The following IDE variants were observed in gnomAD, a reference collection of about 807,000 sequenced individuals.
IDE encodes insulin-degrading enzyme.
IDE carries 58 observed loss-of-function variants against 133.2 expected under a neutral mutation model. The observed-to-expected ratio is 0.44, with a 90% confidence interval of 0.35 to 0.54. The LOEUF (loss-of-function observed/expected upper bound fraction) is 0.54, where lower values mean the gene tolerates loss of function less well. Among genes scored for constraint, IDE ranks in the 20% least tolerant of loss-of-function variants. IDE has a pLI of 0.00. For missense variants in IDE, 981 were observed against 1,234.0 expected (o/e 0.79, Z 3.07); for synonymous variants, 396 against 421.3 (o/e 0.94, Z 0.73).
At chr10:92,530,430 C>T (rs557352542) in intron 4 of IDE, among the ~76,000 whole-genome samples, 6 of 151,974 alleles carry the variant, frequency 3.9e-5, no homozygotes, top group Admixed American at 2.0e-4. Context: ...GGACTACAGG[C>T]ACACACCACC....
chr10:92,455,778 A>G (rs1844975828), intron 23 of IDE, 135 bp from the exon 24 acceptor site: 1 of 590,584 alleles, frequency 1.7e-6, no homozygotes, highest in South Asian at 2.4e-5. Context: ...CAGATCCTCT[A>G]AAGGTTGCCT....
rs1844870257 is a variant in IDE at position 92,454,195 on chromosome 10, A to T, written c.*249T>A. The stretch of plus-strand genomic sequence containing the variant: ...TTTTAAGCATTGTTATATTGGGGAA[A>T]TTTCTCTCAGTAATCAAAAGAAAAA... On this transcript the variant is annotated 3_prime_UTR_variant, in exon 25 of 25. Transcript: ENST00000265986. 1 of 315,802 alleles carries T rather than the reference A, an allele frequency of 3.2e-6. No homozygotes were observed. The highest frequency in any genetic ancestry group is 5.9e-6 in the Non-Finnish European group (1 of 169,752). 19.6% of individuals were successfully genotyped at this position (315,802 alleles called of 1,614,324 possible). A position where few individuals can be genotyped will look rare whatever the true frequency, so the allele number is the denominator to read the frequency against.
At chr10:92,573,361 CG>C (rs767146382) in intron 1 of IDE, among the ~76,000 whole-genome samples, 5 of 152,178 alleles carry the variant, frequency 3.3e-5, no homozygotes, top group Non-Finnish European at 7.3e-5. Flanking sequence ...AAATGTCCCC[CG>C]ATAGGAAACC....
At chr10:92,572,807 C>A in intron 1 of IDE, 1 of 809,744 alleles carries the variant, frequency 1.2e-6, no homozygotes, top group Non-Finnish European at 1.5e-6. Flanking sequence ...CCCACGCCAG[C>A]CCTCACTCCA....
At chr10:92,498,663 A>G (rs1454720343) in intron 11 of IDE, among the ~76,000 whole-genome samples, 1 of 152,226 alleles carries the variant, frequency 6.6e-6, no homozygotes, top group African/African-American at 2.4e-5. Context: ...AGGCTGAGGC[A>G]GGAGAATTGT....
intron 21 of IDE, among the ~76,000 whole-genome samples, chr10:92,462,348 C>A (rs1364681315): frequency 6.9e-6 from 1 of 145,300 alleles, no homozygotes; most frequent in Non-Finnish European, 1.5e-5. Flanking sequence ...AGGCCAGGTG[C>A]AGTGGCTCAC....
chr10:92,565,925 T>C (rs1843516326), intron 1 of IDE, among the ~76,000 whole-genome samples: 1 of 152,078 alleles, frequency 6.6e-6, no homozygotes, highest in Non-Finnish European at 1.5e-5. Context: ...GTTGAATTCA[T>C]ATCTCGCTAA....
intron 15 of IDE, 71 bp downstream of exon 15, chr10:92,479,206 C>A: frequency 2.7e-6 from 3 of 1,123,198 alleles, no homozygotes; most frequent in South Asian, 1.8e-5. Context: ...CACCCTCAAT[C>A]AAAAAATGCT....
intron 10 of IDE, among the ~76,000 whole-genome samples, 177 bp downstream of exon 10, chr10:92,506,262 CGAT>C (rs763158283): frequency 1.3e-5 from 2 of 152,096 alleles, no homozygotes; most frequent in South Asian, 2.1e-4. Context: ...ATAAATTTCA[CGAT>C]GATGAAAATT....
rs147628298 is a variant in IDE, at chr10:92,490,495, T to C, written c.1531A>G (p.Lys511Glu). 6.8e-5 allele frequency: 108 copies of C among 1,577,692 alleles called. 1 individual carries two copies. Among genetic ancestry groups the C allele is most frequent in the Non-Finnish European group, 8.9e-5 (102 of 1,147,518 alleles). The change falls in exon 12 of 25, where the codon AAG (lysine) becomes GAG (glutamate). Residue 511 changes from lysine (K) to glutamate (E), a missense_variant and splice_region_variant. Transcript: ENST00000265986. Reference protein sequence around the residue: ...KQEAIPDEVIKKWQNADLNGK... With the variant: ...KQEAIPDEVIEKWQNADLNGK... ...ATTCATAGATGAGTTAACCCTACCT[T>C]GATGACTTCATCCGGTATAGCTTCT...
intron 19 of IDE, among the ~76,000 whole-genome samples, chr10:92,466,801 A>G (rs1362245959): frequency 6.7e-6 from 1 of 150,346 alleles, no homozygotes; most frequent in Non-Finnish European, 1.5e-5. Flanking sequence ...TATTTTTAGT[A>G]GAGACGGGGT....
intron 1 of IDE, among the ~76,000 whole-genome samples, chr10:92,556,434 C>A (rs1336735264): frequency 6.6e-6 from 1 of 152,022 alleles, no homozygotes; most frequent in Non-Finnish European, 1.5e-5. Context: ...ACCAGCCTAA[C>A]CAACATGGTG....
At chr10:92,503,057 C>A (rs1474281007) in intron 11 of IDE, among the ~76,000 whole-genome samples, 1 of 147,474 alleles carries the variant, frequency 6.8e-6, no homozygotes, top group Non-Finnish European at 1.5e-5. Context: ...AAATTTTGAC[C>A]CTTAATATAT....
At chr10:92,565,453 T>C (rs1393632496) in intron 1 of IDE, among the ~76,000 whole-genome samples, 3 of 150,564 alleles carry the variant, frequency 2.0e-5, no homozygotes, top group Non-Finnish European at 2.9e-5. Context: ...TGGTATTTGT[T>C]CTTTTCTCAA....
At chr10:92,552,857 C>CAAAA (rs71028827) in intron 1 of IDE, among the ~76,000 whole-genome samples, 25 of 49,370 alleles carry the variant, frequency 5.1e-4, no homozygotes, top group African/African-American at 1.2e-3. Context: ...GACTCAGTCT[C>CAAAA]AAAAAAAAAA....
chr10:92,546,519 A>G (rs1842539723), intron 1 of IDE, among the ~76,000 whole-genome samples: 1 of 152,242 alleles, frequency 6.6e-6, no homozygotes, highest in African/African-American at 2.4e-5. Context: ...GCAGCTACCC[A>G]TACCAAAGAG....
At chr10:92,543,474 C>G (rs1214713762) in intron 1 of IDE, among the ~76,000 whole-genome samples, 2 of 152,158 alleles carry the variant, frequency 1.3e-5, no homozygotes, top group Non-Finnish European at 2.9e-5. Context: ...AACAGGTACA[C>G]CTAACTTCAT....
chr10:92,473,917 G>T (rs1009062631), intron 17 of IDE, among the ~76,000 whole-genome samples: 3 of 152,038 alleles, frequency 2.0e-5, no homozygotes, highest in Admixed American at 1.3e-4. Flanking sequence ...GGGAGGTGGA[G>T]GTTGCAATGA....
chr10:92,489,823 G>A (rs1009510576), intron 12 of IDE, among the ~76,000 whole-genome samples: 8 of 152,088 alleles, frequency 5.3e-5, no homozygotes, highest in Non-Finnish European at 1.2e-4. Context: ...CATTACTTGA[G>A]TTTAACTAGA....
Sources: allele counts gnomAD v4.1 joint callset (sites outside exome capture counted in the v4.1 genomes callset), GRCh38; gene constraint gnomAD v4.1.1; transcripts MANE v1.5; gene names NCBI Gene and HGNC (gene_info 2026-07-23, HGNC 2026-07-21).